Variants in ANXA8 observed in about 807,000 individuals in gnomAD.
ANXA8 encodes the protein annexin A8.
ANXA8 carries 9 observed loss-of-function variants against 26.8 expected under a neutral mutation model. That is an observed-to-expected ratio of 0.34 (90% CI 0.20 to 0.59). ANXA8 has a LOEUF of 0.59. Among genes scored for constraint, ANXA8 ranks in the 20% least tolerant of loss-of-function variants. The pLI, the probability that ANXA8 is intolerant of heterozygous loss-of-function variation, is 0.84. For synonymous variants in ANXA8, 39 were observed against 94.8 expected (o/e 0.41, Z 3.42); for missense variants, 83 against 238.5 (o/e 0.35, Z 4.29).
At chr10:47,907,062 A>T in the ANXA8 span, among the ~76,000 whole-genome samples, 1 of 151,322 alleles carries the variant, frequency 6.6e-6, no homozygotes, top group Non-Finnish European at 1.5e-5. Context: ...GTTCTTCAGA[A>T]ATTAAGGATC....
chr10:47,941,660 C>T, the ANXA8 span, among the ~76,000 whole-genome samples: 6 of 147,284 alleles, frequency 4.1e-5, no homozygotes, highest in Non-Finnish European at 8.9e-5. Context: ...AAAAAAACAG[C>T]TGGCATTTTC....
At chr10:47,673,933 G>A in the ANXA8 span, among the ~76,000 whole-genome samples, 9 of 149,674 alleles carry the variant, frequency 6.0e-5, no homozygotes, top group South Asian at 2.1e-4. Flanking sequence ...TAGCTGTCAC[G>A]TCTCCTTAGG....
the ANXA8 span, among the ~76,000 whole-genome samples, chr10:47,896,793 C>G: frequency 1.3e-5 from 2 of 151,886 alleles, no homozygotes; most frequent in Non-Finnish European, 2.9e-5. Context: ...ACTGAAGGAT[C>G]TCAGAGAACC....
the ANXA8 span, among the ~76,000 whole-genome samples, chr10:47,682,474 T>TC: frequency 2.8e-5 from 4 of 144,742 alleles, no homozygotes; most frequent in Admixed American, 6.8e-5. Flanking sequence ...TTTTTCTTTT[T>TC]TTTTTTTTTT....
chr10:47,989,371 A>G, the ANXA8 span, among the ~76,000 whole-genome samples: 1 of 115,106 alleles, frequency 8.7e-6, no homozygotes, highest in Non-Finnish European at 2.0e-5. Flanking sequence ...AGGCTGTGTA[A>G]CCGCATCCCT....
At chr10:47,485,907 G>A (rs1165254941), upstream of ANXA8, among the ~76,000 whole-genome samples, 1 of 151,842 alleles carries the variant, frequency 6.6e-6, no homozygotes, top group Non-Finnish European at 1.5e-5. Context: ...AGGAGATCGA[G>A]ACCATCCTGG....
the ANXA8 span, among the ~76,000 whole-genome samples, chr10:47,687,563 C>T: frequency 1.8e-3 from 273 of 151,954 alleles, 1 homozygote; most frequent in African/African-American, 6.3e-3. Context: ...CCACGCCTGG[C>T]CCCAACCAAC....
chr10:47,730,596 A>T, the ANXA8 span, among the ~76,000 whole-genome samples: 1 of 152,298 alleles, frequency 6.6e-6, no homozygotes, highest in Non-Finnish European at 1.5e-5. Flanking sequence ...TTTTCTAAGA[A>T]AATCCTGTGA....
chr10:47,986,630 T>G, the ANXA8 span: 3 of 364,126 alleles, frequency 8.2e-6, no homozygotes, highest in Non-Finnish European at 1.6e-5. Context: ...AGAAACAGAC[T>G]GCTCAGCTGT....
the ANXA8 span, among the ~76,000 whole-genome samples, chr10:47,695,468 C>T: frequency 2.0e-5 from 3 of 151,810 alleles, no homozygotes; most frequent in East Asian, 1.9e-4. Context: ...ATAGCATCAA[C>T]AAATGAGTTG....
the ANXA8 span, among the ~76,000 whole-genome samples, chr10:47,495,188 A>T: frequency 1.3e-5 from 2 of 150,630 alleles, no homozygotes; most frequent in African/African-American, 4.9e-5. Context: ...GTGGGTATGG[A>T]GGGGAAACAG....
chr10:47,989,269 G>C, the ANXA8 span, among the ~76,000 whole-genome samples: 2 of 133,880 alleles, frequency 1.5e-5, 1 homozygote, highest in Non-Finnish European at 3.3e-5. Context: ...AACGCAGGTC[G>C]TCTGGGAATG....
At chr10:47,941,810 A>C in the ANXA8 span, among the ~76,000 whole-genome samples, 4 of 147,818 alleles carry the variant, frequency 2.7e-5, no homozygotes. Flanking sequence ...GCCCATGGCA[A>C]CTGGAAGCAG....
At chr10:47,695,393 T>C in the ANXA8 span, among the ~76,000 whole-genome samples, 1 of 150,952 alleles carries the variant, frequency 6.6e-6, no homozygotes, top group African/African-American at 2.4e-5. Context: ...AGGTGGGAGC[T>C]GGTGGCAAGG....
At chr10:47,484,617 C>T, upstream of ANXA8, 3 of 905,052 alleles carry the variant, frequency 3.3e-6, no homozygotes, top group Non-Finnish European at 3.3e-6. Flanking sequence ...TCCTGCCTGG[C>T]TCTGCCCGGC....
At chr10:47,528,628 A>G in the ANXA8 span, among the ~76,000 whole-genome samples, 1 of 151,358 alleles carries the variant, frequency 6.6e-6, no homozygotes, top group Admixed American at 6.6e-5. Context: ...AAATAACAGC[A>G]GTTTTAGAGG....
At chr10:47,610,370 TA>T in the ANXA8 span, among the ~76,000 whole-genome samples, 15 of 145,716 alleles carry the variant, frequency 1.0e-4, no homozygotes, top group Non-Finnish European at 1.6e-4. Context: ...ATTGAAGCAT[TA>T]ATGTACATTA....
chr10:47,681,213 T>C, the ANXA8 span, among the ~76,000 whole-genome samples: 1 of 151,730 alleles, frequency 6.6e-6, no homozygotes, highest in African/African-American at 2.4e-5. Context: ...AAGGATTTGA[T>C]GAGAAATTGG....
the ANXA8 span, among the ~76,000 whole-genome samples, chr10:47,620,117 G>A: frequency 4.5e-5 from 5 of 111,602 alleles, 1 homozygote; most frequent in Admixed American, 4.8e-4. Flanking sequence ...GGTCATGTAT[G>A]TAGGTAAATT....
Sources: allele counts gnomAD v4.1 joint callset (sites outside exome capture counted in the v4.1 genomes callset), GRCh38; gene constraint gnomAD v4.1.1; transcripts MANE v1.5; gene names NCBI Gene and HGNC (gene_info 2026-07-23, HGNC 2026-07-21).